GPC5: variants seen among roughly 807,000 people sequenced by gnomAD.
GPC5 encodes glypican-5.
In GPC5, 47 loss-of-function variants were observed where a neutral mutation model predicts 53.9. The observed-to-expected ratio is 0.87, with a 90% CI of 0.69 to 1.11. GPC5 has a LOEUF of 1.11. Ranked by LOEUF, GPC5 falls within the 50% of genes most tolerant of loss-of-function variation. GPC5 has a pLI of 0.00. For synonymous variants in GPC5, 286 were observed against 263.3 expected (o/e 1.09, Z -0.84); for missense variants, 748 against 713.1 (o/e 1.05, Z -0.56).
chr13:91,694,117 A>G (rs2035828221), intron 3 of GPC5, among the ~76,000 whole-genome samples: 2 of 152,216 alleles, frequency 1.3e-5, no homozygotes, highest in African/African-American at 4.8e-5. Context: ...GAAATCAGGA[A>G]CAGCATAGAT....
chr13:92,110,176 G>A (rs970097911), intron 6 of GPC5, among the ~76,000 whole-genome samples: 1 of 152,058 alleles, frequency 6.6e-6, no homozygotes, highest in Non-Finnish European at 1.5e-5. Context: ...ACACAGGATT[G>A]GCTCTATCTT....
intron 6 of GPC5, among the ~76,000 whole-genome samples, chr13:91,960,721 C>G (rs946665816): frequency 2.6e-5 from 4 of 151,852 alleles, no homozygotes; most frequent in African/African-American, 7.2e-5. Context: ...ATAAATGGAA[C>G]AGAATGATGA....
At chr13:92,204,027 C>T (rs917701280) in intron 7 of GPC5, among the ~76,000 whole-genome samples, 2 of 152,144 alleles carry the variant, frequency 1.3e-5, no homozygotes, top group East Asian at 1.9e-4. Flanking sequence ...AAAGAAAACA[C>T]CTAATCTTAA....
chr13:91,634,336 A>G (rs1443974178), intron 2 of GPC5, among the ~76,000 whole-genome samples: 2 of 152,008 alleles, frequency 1.3e-5, no homozygotes, highest in Non-Finnish European at 2.9e-5. Flanking sequence ...TTCCTACCTA[A>G]TATTTTTATG....
At chr13:91,552,901 A>G (rs1160272847) in intron 2 of GPC5, among the ~76,000 whole-genome samples, 1 of 152,156 alleles carries the variant, frequency 6.6e-6, no homozygotes, top group Non-Finnish European at 1.5e-5. Context: ...GGATTCTAAT[A>G]CACACATTTT....
At chr13:92,845,724 G>A (rs1054049160) in intron 7 of GPC5, among the ~76,000 whole-genome samples, 1 of 152,000 alleles carries the variant, frequency 6.6e-6, no homozygotes, top group South Asian at 2.1e-4. Context: ...TATCTATACC[G>A]ATTTACAGTA....
intron 1 of GPC5, among the ~76,000 whole-genome samples, chr13:91,400,297 GATTGCTTTGCT>G (rs1361964833): frequency 6.6e-6 from 1 of 152,160 alleles, no homozygotes; most frequent in African/African-American, 2.4e-5. Context: ...CGCTTTTCTT[GATTGCTTTGCT>G]CAATTTTAAG....
At chr13:92,666,246 A>G (rs1054065836) in intron 7 of GPC5, among the ~76,000 whole-genome samples, 5 of 152,164 alleles carry the variant, frequency 3.3e-5, no homozygotes, top group Non-Finnish European at 7.4e-5. Flanking sequence ...AGTGTTGTTT[A>G]GGATACTTCC....
chr13:91,757,092 A>G (rs954193940), intron 5 of GPC5, among the ~76,000 whole-genome samples: 2 of 151,846 alleles, frequency 1.3e-5, no homozygotes, highest in South Asian at 2.1e-4. Flanking sequence ...TTTATTTCCT[A>G]TAACTGATTG....
chr13:92,084,699 T>G (rs1352773445), intron 6 of GPC5, among the ~76,000 whole-genome samples: 3 of 152,196 alleles, frequency 2.0e-5, no homozygotes, highest in Non-Finnish European at 4.4e-5. Flanking sequence ...ATTAATATAA[T>G]TTATGTAAAT....
chr13:91,545,606 TACTG>T (rs1046250693), intron 2 of GPC5, among the ~76,000 whole-genome samples: 2 of 152,162 alleles, frequency 1.3e-5, no homozygotes, highest in African/African-American at 4.8e-5. Context: ...AATACATTGT[TACTG>T]ACTGTAGGTA....
intron 2 of GPC5, among the ~76,000 whole-genome samples, chr13:91,684,293 ACTTT>A (rs2035573250): frequency 6.6e-6 from 1 of 152,140 alleles, no homozygotes; most frequent in African/African-American, 2.4e-5. Flanking sequence ...AACAGCTTCA[ACTTT>A]TCCTGAGACT....
At chr13:91,437,647 T>C (rs563370263) in intron 1 of GPC5, among the ~76,000 whole-genome samples, 1 of 152,340 alleles carries the variant, frequency 6.6e-6, no homozygotes, top group South Asian at 2.1e-4. Flanking sequence ...TTGGAGTTGC[T>C]CTTCTCAAGG....
intron 2 of GPC5, among the ~76,000 whole-genome samples, chr13:91,585,633 TGGA>T (rs2032534608): frequency 6.6e-6 from 1 of 151,638 alleles, no homozygotes; most frequent in Non-Finnish European, 1.5e-5. Context: ...GTTTGGGGGG[TGGA>T]GGGAGCAGCT....
At chr13:92,658,901 CAAAG>C (rs1002086014) in intron 7 of GPC5, 2 of 141,354 alleles carry the variant, frequency 1.4e-5, no homozygotes, top group African/African-American at 5.2e-5. Flanking sequence ...ATATAATTGA[CAAAG>C]AAAAGTTGTA....
At position 92,168,726 on chromosome 13, in the gene GPC5, T is replaced by C. The variant is rs1203869485; in HGVS notation, c.1561+23737T>C. 2.0e-5 allele frequency among the ~76,000 whole-genome samples: 3 copies of C among 152,198 alleles called. No individual in the cohort carries two copies. The East Asian group carries it at 5.8e-4, about 29-fold the overall frequency. ...TGTGGAAATAGAAATGCTTTTACACTGTTGGTGGCAAGGTAAATTAGTTCA... is the reference window on the plus strand; with the variant it reads ...TGTGGAAATAGAAATGCTTTTACACCGTTGGTGGCAAGGTAAATTAGTTCA... On this transcript the variant is annotated intron_variant, in intron 7 of 7. Transcript: ENST00000377067.
intron 7 of GPC5, among the ~76,000 whole-genome samples, chr13:92,557,696 T>C (rs1363332081): frequency 6.6e-6 from 1 of 151,984 alleles, no homozygotes; most frequent in Non-Finnish European, 1.5e-5. Context: ...GCTAGTCATA[T>C]ACAGGTGGAT....
chr13:92,276,191 T>C (rs1195890202), intron 7 of GPC5, among the ~76,000 whole-genome samples: 1 of 152,114 alleles, frequency 6.6e-6, no homozygotes, highest in Non-Finnish European at 1.5e-5. Flanking sequence ...AATTTGCATG[T>C]CAAATTTTGT....
At chr13:92,479,772 A>C (rs1054483115) in intron 7 of GPC5, among the ~76,000 whole-genome samples, 2 of 152,206 alleles carry the variant, frequency 1.3e-5, no homozygotes, top group African/African-American at 4.8e-5. Flanking sequence ...TTGACATCTG[A>C]TAGGAATTGA....
Sources: allele counts gnomAD v4.1 joint callset (sites outside exome capture counted in the v4.1 genomes callset), GRCh38; gene constraint gnomAD v4.1.1; transcripts MANE v1.5; gene names NCBI Gene and HGNC (gene_info 2026-07-23, HGNC 2026-07-21).